The following MTERF3 variants were observed in gnomAD, a reference collection of about 807,000 sequenced individuals.
MTERF3 encodes the protein transcription termination factor 3, mitochondrial.
In MTERF3, 40 loss-of-function variants were observed where a neutral mutation model predicts 40.5. The observed-to-expected ratio is 0.99, with a 90% CI of 0.77 to 1.29. The LOEUF is 1.29. MTERF3 is among the 50% of genes most tolerant of loss of function. MTERF3 has a pLI of 0.00. For missense variants in MTERF3, 452 were observed against 478.2 expected (o/e 0.95, Z 0.51); for synonymous variants, 158 against 166.6 (o/e 0.95, Z 0.40).
intron 7 of MTERF3, among the ~76,000 whole-genome samples, chr8:96,240,117 G>A (rs1466861424): frequency 3.3e-5 from 5 of 151,998 alleles, no homozygotes; most frequent in East Asian, 3.9e-4. Flanking sequence ...GCGTGGTGGC[G>A]CATGCCTGTA....
chr8:96,239,575 T>C lies in MTERF3; in HGVS notation c.1170A>G (p.Leu390=), dbSNP rs1302007319. The change falls in exon 8 of 8, where the codon CTA becomes CTG. Residue 390 remains leucine (L), a synonymous_variant. Transcript: ENST00000287025. The stretch of plus-strand genomic sequence containing the variant: ...AAAATATTTCATCAGGAATAGATAC[T>C]AGTTTGTCCAAAGAGATGTAGTTAG... ...AKPNYISLDK[L]VSIPDEIFCE... 20 of 1,613,166 alleles carry C rather than the reference T, an allele frequency of 1.2e-5. No individual in the cohort carries two copies. The highest frequency in any genetic ancestry group is 8.0e-5 in the African/African-American group (6 of 74,870).
At chr8:96,246,831 T>C (rs1474345546) in intron 4 of MTERF3, among the ~76,000 whole-genome samples, 1 of 146,212 alleles carries the variant, frequency 6.8e-6, no homozygotes, top group Non-Finnish European at 1.5e-5. Flanking sequence ...TAGCTTCTGC[T>C]TAAGATTTTT....
intron 4 of MTERF3, 104 bp downstream of exon 4, chr8:96,250,802 T>C (rs1810167300): frequency 9.2e-7 from 1 of 1,090,624 alleles, no homozygotes; most frequent in Admixed American, 2.9e-5. Context: ...ATTCATGTTA[T>C]CTCAGTAGAC....
At chr8:96,248,043 C>G (rs1463915810) in intron 4 of MTERF3, among the ~76,000 whole-genome samples, 3 of 152,192 alleles carry the variant, frequency 2.0e-5, no homozygotes, top group African/African-American at 7.2e-5. Context: ...TTTATCTATA[C>G]AATCAACTGA....
intron 4 of MTERF3, among the ~76,000 whole-genome samples, chr8:96,249,033 A>G (rs1810073428): frequency 6.6e-6 from 1 of 152,256 alleles, no homozygotes; most frequent in African/African-American, 2.4e-5. Context: ...TTTAGGAATC[A>G]ATGGACTATG....
intron 4 of MTERF3, among the ~76,000 whole-genome samples, chr8:96,246,680 A>G (rs897515433): frequency 6.6e-6 from 1 of 152,330 alleles, no homozygotes; most frequent in East Asian, 1.9e-4. Context: ...AAAAACAGAA[A>G]ATAATTCTGA....
At chr8:96,259,256 A>C (rs1810337228) in intron 1 of MTERF3, among the ~76,000 whole-genome samples, 1 of 152,248 alleles carries the variant, frequency 6.6e-6, no homozygotes, top group African/African-American at 2.4e-5. Context: ...GAACAGTGAA[A>C]GCAGTTTCTT....
In MTERF3 at chr8:96,256,925, T is replaced by C. The variant is rs369061414; in HGVS notation, c.487+37A>G. The C allele has an allele frequency of 9.4e-5, 147 of 1,563,428 alleles. 1 individual carries two copies. Among genetic ancestry groups the C allele is most frequent in the South Asian group, 6.5e-4 (54 of 83,318 alleles). On this transcript the variant is annotated intron_variant, in intron 3 of 7. Coordinates refer to ENST00000287025, the MANE Select transcript of MTERF3 (RefSeq NM_015942.5). The stretch of plus-strand genomic sequence containing the variant: ...AAAAAGTAAAAAAAGTAATGAAGAG[T>C]ACATGCAAAAAGTACTTGTAGTTTA...
rs538309199 is a variant in MTERF3, at chr8:96,243,993, T to C, written c.985A>G (p.Lys329Glu). Residue 329 changes from lysine (K) to glutamate (E), a missense_variant, in exon 7 of 8, where the codon AAA becomes GAA. Transcript: ENST00000287025. ...IPKMLTANKM[K>E]LTETFDFVHN... ...ACAAAATCAAACGTCTCGGTAAGTT[T>C]CATTTTATTTGCAGTTAACATCTTT... 9 of 1,614,152 alleles carry C rather than the reference T, an allele frequency of 5.6e-6. 1 individual carries two copies. The South Asian group carries it at 8.8e-5, about 16-fold the overall frequency.
At chr8:96,251,157 A>ATTTTTT in intron 3 of MTERF3, 62 bp from the exon 4 acceptor site, 1 of 1,340,676 alleles carries the variant, frequency 7.5e-7, no homozygotes, top group South Asian at 1.5e-5. Context: ...AAACTCATAT[A>ATTTTTT]CATAAGCACA....
At chr8:96,252,405 G>T (rs571695205) in intron 3 of MTERF3, among the ~76,000 whole-genome samples, 2 of 152,108 alleles carry the variant, frequency 1.3e-5, no homozygotes, top group South Asian at 4.1e-4. Context: ...TCTAGATAAA[G>T]AATCTAAACA....
intron 4 of MTERF3, 122 bp from the exon 5 acceptor site, chr8:96,246,576 A>C: frequency 1.3e-6 from 1 of 797,576 alleles, no homozygotes; most frequent in Non-Finnish European, 1.8e-6. Flanking sequence ...ACCCTAAATT[A>C]CTAACTAAAT....
rs567088697 is a variant in MTERF3 at position 96,258,526 on chromosome 8, C to G, written c.165G>C (p.Gln55His). ...AAGTCCTGTAAGTCTTAAATCCCCA[C>G]TGGAGAAAGCAATTGTCAGAGGATA... ...PQISSDNCFLQWGFKTYRTSS... is the reference protein window; with the variant it reads ...PQISSDNCFLHWGFKTYRTSS... The change falls in exon 2 of 8, where the codon CAG becomes CAC. Residue 55 changes from glutamine to histidine, a missense_variant. Physicochemically the swap from Gln to His is conservative, Grantham distance 24 (BLOSUM62 0). Coordinates refer to ENST00000287025, the MANE Select transcript of MTERF3 (RefSeq NM_015942.5). 2.5e-6 allele frequency: 4 copies of G among 1,614,148 alleles called. No individual in the cohort carries two copies. The South Asian group carries it at 4.4e-5, about 18-fold the overall frequency.
At position 96,239,481 on chromosome 8, in the gene MTERF3, A is replaced by C; in HGVS notation, c.*10T>G. On this transcript the variant is annotated 3_prime_UTR_variant, in exon 8 of 8. Coordinates refer to ENST00000287025, the MANE Select transcript of MTERF3 (RefSeq NM_015942.5). ...ACTTTACAATACTGCATTTTAACAT[A>C]CATAAAAATCTAAAGCGTTTTTAAG... 1.3e-6 allele frequency: 2 copies of C among 1,564,616 alleles called. No homozygotes were observed. Among genetic ancestry groups the C allele is most frequent in the South Asian group, 2.4e-5 (2 of 84,878 alleles).
intron 3 of MTERF3, among the ~76,000 whole-genome samples, chr8:96,251,954 G>A (rs1810193804): frequency 6.6e-6 from 1 of 152,162 alleles, no homozygotes; most frequent in South Asian, 2.1e-4. Flanking sequence ...GGAGGGACCA[G>A]GTGGGAGGTA....
intron 3 of MTERF3, among the ~76,000 whole-genome samples, chr8:96,253,509 G>T (rs1252193731): frequency 1.3e-5 from 2 of 152,162 alleles, no homozygotes; most frequent in East Asian, 3.9e-4. Context: ...GATACAGATC[G>T]GGCAGAAAAC....
chr8:96,261,216 C>A (rs911952619), intron 1 of MTERF3, among the ~76,000 whole-genome samples: 1 of 152,198 alleles, frequency 6.6e-6, no homozygotes, highest in Non-Finnish European at 1.5e-5. Context: ...AATAAAGGGT[C>A]TCTCAATACT....
At position 96,246,377 on chromosome 8, in the gene MTERF3, T is replaced by C; in HGVS notation, c.755A>G (p.Asn252Ser). ...GTTATCCAGTCTTTCCACTGAAAAG[T>C]TCAGCAAAAATGGTGCTTTTCTGAC... ...QMVRKAPFLLNFSVERLDNRL... is the reference protein window; with the variant it reads ...QMVRKAPFLLSFSVERLDNRL... Residue 252 changes from asparagine to serine, a missense_variant, in exon 5 of 8, where the codon AAC becomes AGC. Transcript: ENST00000287025. The C allele has an allele frequency of 6.2e-7, 1 of 1,613,054 alleles. No individual in the cohort carries two copies. Among genetic ancestry groups the C allele is most frequent in the Non-Finnish European group, 8.5e-7 (1 of 1,179,762 alleles).
At chr8:96,257,727 A>C in intron 2 of MTERF3, among the ~76,000 whole-genome samples, 1 of 152,190 alleles carries the variant, frequency 6.6e-6, no homozygotes, top group Non-Finnish European at 1.5e-5. Context: ...CTAAGGAATC[A>C]GGTCTGTGAT....
Sources: gnomAD v4.1 joint callset for allele counts (sites outside exome capture counted in the v4.1 genomes callset) on GRCh38, gnomAD v4.1.1 for gene constraint, MANE v1.5 for transcripts, NCBI Gene and HGNC (gene_info 2026-07-23, HGNC 2026-07-21) for gene names.